Variants in NID1 observed in about 807,000 individuals in gnomAD.
NID1 encodes the protein nidogen 1, also known as nidogen-1.
A neutral mutation model predicts 130.6 loss-of-function variants in NID1; 76 were observed. That is an observed-to-expected ratio of 0.58 (90% CI 0.48 to 0.70). The LOEUF is 0.70. Ranked by LOEUF, NID1 falls within the 30% of genes least tolerant of loss-of-function variation. NID1 has a pLI of 0.00. For missense variants in NID1, 1,517 were observed against 1,664.8 expected, an observed-to-expected ratio of 0.91 and a Z score of 1.54; for synonymous variants, 665 against 675.1, an observed-to-expected ratio of 0.98 and a Z score of 0.23.
chr1:236,003,145 C>T (rs1296305175), intron 12 of NID1, among the ~76,000 whole-genome samples: 2 of 151,708 alleles, frequency 1.3e-5, no homozygotes, highest in African/African-American at 4.8e-5. Context: ...GTAGTTGTCA[C>T]TCCTAGTGAA....
intron 14 of NID1, among the ~76,000 whole-genome samples, chr1:235,990,072 T>C (rs906255521): frequency 5.9e-5 from 9 of 152,240 alleles, no homozygotes; most frequent in Admixed American, 5.2e-4. Context: ...TGCAAGAGGC[T>C]TTTGAAAAGT....
Position 235,985,437 on chromosome 1 carries a change from C to T in NID1, c.2997G>A (p.Glu999=), listed in dbSNP as rs1657548667. 6.2e-7 allele frequency: 1 copy of T among 1,613,968 alleles called. No individual in the cohort carries two copies. The highest frequency in any genetic ancestry group is 1.7e-5 in the Admixed American group (1 of 60,008). ...DKMVYWTDIT[E]PSIGRASLHG... is the part of the protein sequence containing the mutation. ...GTAGACTAGCTCTCCCAATGGAAGG[C>T]TCAGTGATGTCCGTCCAGTAAACCA... The change falls in exon 15 of 20, where the codon GAG becomes GAA. Residue 999 remains glutamate (E), a synonymous_variant. Coordinates refer to ENST00000264187, the MANE Select transcript of NID1 (RefSeq NM_002508.3).
intron 7 of NID1, 126 bp from the exon 8 acceptor site, chr1:236,026,267 T>C: frequency 1.7e-6 from 2 of 1,207,922 alleles, no homozygotes. Flanking sequence ...GGCTACCAGA[T>C]GACAGACCAG....
chr1:236,020,834 A>C (rs1461639502), intron 9 of NID1, among the ~76,000 whole-genome samples: 2 of 152,244 alleles, frequency 1.3e-5, no homozygotes, highest in Non-Finnish European at 2.9e-5. Flanking sequence ...GGAGGTAATA[A>C]GTCAGAACAA....
At position 236,013,395 on chromosome 1, in the gene NID1, C is replaced by A; in HGVS notation, c.2404+16G>T. ...TCTCAGGTTACACACAGGGGAAGATCAGAGCAACCACACACCTTGGCAGGC... is the reference window on the plus strand; with the variant it reads ...TCTCAGGTTACACACAGGGGAAGATAAGAGCAACCACACACCTTGGCAGGC... On this transcript the variant is annotated intron_variant, in intron 11 of 19. Coordinates refer to ENST00000264187, the MANE Select transcript of NID1 (RefSeq NM_002508.3). 1.2e-6 allele frequency: 2 copies of A among 1,613,386 alleles called. No individual in the cohort carries two copies. The highest frequency in any genetic ancestry group is 2.2e-5 in the South Asian group (2 of 91,034).
intron 1 of NID1, among the ~76,000 whole-genome samples, chr1:236,062,713 G>A (rs1660075017): frequency 6.6e-6 from 1 of 150,672 alleles, no homozygotes; most frequent in Admixed American, 6.6e-5. Flanking sequence ...AGGCAACAAA[G>A]CAGTCACTAA....
chr1:236,045,410 TA>T, intron 3 of NID1, 46 bp downstream of exon 3: 1 of 1,343,298 alleles, frequency 7.4e-7, no homozygotes, highest in Non-Finnish European at 1.1e-6. Context: ...TTATCCACAT[TA>T]AAAAATATTA....
In NID1 at chr1:236,045,503, A is replaced by G. The variant is rs372112710; in HGVS notation, c.706T>C (p.Tyr236His). 82 of 1,614,038 alleles carry G rather than the reference A, an allele frequency of 5.1e-5. No homozygotes were observed. Among genetic ancestry groups the G allele is most frequent in the Non-Finnish European group, 6.6e-5 (78 of 1,180,032 alleles). The change falls in exon 3 of 20, where the codon TAT becomes CAT. Residue 236 changes from tyrosine (Y) to histidine (H), a missense_variant. Tyr to His is a moderately conservative substitution (Grantham distance 83, BLOSUM62 2). Transcript: ENST00000264187. ...VGFLWKSNGA[Y>H]NIFANDRESV... is the part of the protein sequence containing the mutation. ...TCCCTGTCATTAGCAAATATGTTAT[A>G]AGCTCCGTTGCTCTTCCATAAGAAT...
chr1:236,042,256 A>G lies in NID1; in HGVS notation c.789T>C (p.Phe263=). The G allele has an allele frequency of 6.2e-7, 1 of 1,607,458 alleles. No homozygotes were observed. Among genetic ancestry groups the G allele is most frequent in the African/African-American group, 1.3e-5 (1 of 74,980 alleles). The change falls in exon 4 of 20, where the codon TTT becomes TTC. Residue 263 remains phenylalanine, a synonymous_variant. Coordinates refer to ENST00000264187, the MANE Select transcript of NID1 (RefSeq NM_002508.3). ...SNSGQQGVWV[F]EIGSPATTNG... is the part of the protein sequence containing the mutation. The stretch of plus-strand genomic sequence containing the variant: ...TGGTGGTGGCTGGACTCCCAATCTC[A>G]AACACCCAGACACCCTGCTGCCCAG...
chr1:236,021,142 C>T (rs78370481), intron 9 of NID1, among the ~76,000 whole-genome samples: 62 of 152,296 alleles, frequency 4.1e-4, no homozygotes, highest in African/African-American at 1.3e-3. Flanking sequence ...GCCCCATCCC[C>T]GCATGCCAGC....
intron 19 of NID1, 101 bp downstream of exon 19, chr1:235,978,894 T>C: frequency 1.3e-6 from 1 of 761,684 alleles, no homozygotes; most frequent in Non-Finnish European, 2.3e-6. Flanking sequence ...TCTTACGGCA[T>C]AATCAAGGCT....
intron 3 of NID1, among the ~76,000 whole-genome samples, chr1:236,042,890 G>T (rs767266791): frequency 1.3e-5 from 2 of 152,216 alleles, no homozygotes; most frequent in South Asian, 2.1e-4. Context: ...TGATTAGAAG[G>T]TTGGAATGTC....
At chr1:236,054,937 C>G (rs558847153) in intron 1 of NID1, among the ~76,000 whole-genome samples, 3 of 152,012 alleles carry the variant, frequency 2.0e-5, no homozygotes, top group Non-Finnish European at 2.9e-5. Context: ...CCACTGTGCT[C>G]GGCCTAAAGA....
chr1:235,981,489 CTT>C, intron 16 of NID1, 120 bp downstream of exon 16: 1 of 1,085,114 alleles, frequency 9.2e-7, no homozygotes, highest in Non-Finnish European at 1.3e-6. Flanking sequence ...ACTGTAGACT[CTT>C]TCGTCCCGTA....
In NID1 at chr1:236,033,880, GA is replaced by G. The variant is rs574851167; in HGVS notation, c.1286-1229del. Among the ~76,000 whole-genome samples the G allele has an allele frequency of 2.1e-3, 327 of 152,184 alleles. 1 individual carries two copies. The highest frequency in any genetic ancestry group is 7.7e-3 in the African/African-American group (320 of 41,520). On this transcript the variant is annotated intron_variant, in intron 5 of 19. Coordinates refer to ENST00000264187, the MANE Select transcript of NID1 (RefSeq NM_002508.3). Reference sequence around the variant, plus strand: ...AAACAGGAAAAAAATAAGAACTAAAGAAATTAAATTGCTGTTTGTTGTATTC... The same window carrying G: ...AAACAGGAAAAAAATAAGAACTAAAGAATTAAATTGCTGTTTGTTGTATTC...
chr1:235,983,468 G>A (rs1016574230), intron 15 of NID1, among the ~76,000 whole-genome samples: 1 of 152,206 alleles, frequency 6.6e-6, no homozygotes, highest in African/African-American at 2.4e-5. Context: ...CTTTCAGATA[G>A]AAACAGAATA....
chr1:235,987,743 T>C (rs1572578202), intron 14 of NID1, among the ~76,000 whole-genome samples: 2 of 150,780 alleles, frequency 1.3e-5, no homozygotes, highest in Admixed American at 6.6e-5. Context: ...CCAGGGAAGG[T>C]CTCAGGAGGG....
chr1:236,022,073 C>T (rs180889888), intron 9 of NID1, among the ~76,000 whole-genome samples: 1 of 152,030 alleles, frequency 6.6e-6, no homozygotes, highest in Non-Finnish European at 1.5e-5. Flanking sequence ...AGTTTGAGAC[C>T]AGCCTGGGCA....
intron 3 of NID1, among the ~76,000 whole-genome samples, chr1:236,042,979 C>T (rs1572615752): frequency 6.6e-6 from 1 of 152,298 alleles, no homozygotes; most frequent in South Asian, 2.1e-4. Context: ...ATTTAATCAA[C>T]TGTGCCTATG....
Sources: gnomAD v4.1 joint callset for allele counts (sites outside exome capture counted in the v4.1 genomes callset) on GRCh38, gnomAD v4.1.1 for gene constraint, MANE v1.5 for transcripts, NCBI Gene and HGNC (gene_info 2026-07-23, HGNC 2026-07-21) for gene names.